DRC8: variants seen among roughly 807,000 people sequenced by gnomAD.
DRC8 encodes dynein regulatory complex subunit 8, also known as dynein regulatory complex protein 8.
At chr1:244,971,390 A>G in the DRC8 span, among the ~76,000 whole-genome samples, 4 of 152,342 alleles carry the variant, frequency 2.6e-5, no homozygotes, top group South Asian at 8.3e-4. Context: ...GTTCGGAGGC[A>G]TCGATGTGTT....
chr1:245,085,487 T>C, the DRC8 span, among the ~76,000 whole-genome samples: 1 of 151,880 alleles, frequency 6.6e-6, no homozygotes. Context: ...TGAACAAAAA[T>C]GGGGAGGTAG....
At chr1:244,969,915 G>T in the DRC8 span, 2 of 441,966 alleles carry the variant, frequency 4.5e-6, no homozygotes. Context: ...GCCGGGCCGC[G>T]GGCTGGTTCT....
chr1:245,100,731 G>C, the DRC8 span, among the ~76,000 whole-genome samples: 6 of 151,016 alleles, frequency 4.0e-5, no homozygotes, highest in African/African-American at 1.2e-4. Context: ...GCAGTGAACA[G>C]TGATCGGTCT....
At chr1:245,054,002 G>A in the DRC8 span, among the ~76,000 whole-genome samples, 7 of 142,492 alleles carry the variant, frequency 4.9e-5, no homozygotes, top group South Asian at 1.0e-3. Flanking sequence ...AACAACGCCC[G>A]CATCAGCCTT....
At chr1:244,987,293 C>T in the DRC8 span, among the ~76,000 whole-genome samples, 25 of 151,958 alleles carry the variant, frequency 1.6e-4, no homozygotes, top group East Asian at 1.5e-3. Context: ...CTCCACCTCC[C>T]GGGTTCAAGC....
chr1:244,997,416 A>T, the DRC8 span, among the ~76,000 whole-genome samples: 2 of 151,906 alleles, frequency 1.3e-5, no homozygotes, highest in South Asian at 2.1e-4. Flanking sequence ...TCATTCTTCC[A>T]TACCATTTTG....
At chr1:244,978,871 T>A in the DRC8 span, among the ~76,000 whole-genome samples, 126 of 152,298 alleles carry the variant, frequency 8.3e-4, 1 homozygote, top group East Asian at 0.012. Context: ...CCTTTTTTTT[T>A]ATTCTTTTTA....
At chr1:244,989,980 C>T in the DRC8 span, among the ~76,000 whole-genome samples, 1 of 152,338 alleles carries the variant, frequency 6.6e-6, no homozygotes, top group Non-Finnish European at 1.5e-5. Context: ...TGTGAATCAT[C>T]GCTTTGTCCA....
chr1:245,016,658 A>T, the DRC8 span, among the ~76,000 whole-genome samples: 1 of 152,042 alleles, frequency 6.6e-6, no homozygotes, highest in Admixed American at 6.6e-5. Context: ...TAACCTTAGC[A>T]CATTGTAAGT....
chr1:245,054,661 C>T, the DRC8 span, among the ~76,000 whole-genome samples: 1 of 152,128 alleles, frequency 6.6e-6, no homozygotes, highest in African/African-American at 2.4e-5. Context: ...GTGGGTACTC[C>T]TCAGACCTCT....
At chr1:245,107,589 C>T in the DRC8 span, among the ~76,000 whole-genome samples, 1 of 152,322 alleles carries the variant, frequency 6.6e-6, no homozygotes, top group South Asian at 2.1e-4. Flanking sequence ...GGGACTGTGG[C>T]GCAGGTCACC....
the DRC8 span, among the ~76,000 whole-genome samples, chr1:245,118,795 A>AAAAAGAAAAAAGAAAAGAAAAG: frequency 1.4e-5 from 2 of 138,484 alleles, no homozygotes; most frequent in Non-Finnish European, 3.1e-5. Flanking sequence ...GCCATCTCAA[A>AAAAAGAAAAAAGAAAAGAAAAG]AAAAGAAAAG....
At chr1:245,034,128 C>G in the DRC8 span, among the ~76,000 whole-genome samples, 3 of 152,202 alleles carry the variant, frequency 2.0e-5, no homozygotes, top group African/African-American at 7.2e-5. Flanking sequence ...CATCTCCATC[C>G]TTCTTTTCAT....
chr1:245,058,505 A>G, the DRC8 span, among the ~76,000 whole-genome samples: 1 of 152,196 alleles, frequency 6.6e-6, no homozygotes, highest in Non-Finnish European at 1.5e-5. Flanking sequence ...CTTTGTAAAT[A>G]GGGAGTAAAT....
At chr1:245,102,671 G>T in the DRC8 span, among the ~76,000 whole-genome samples, 1 of 152,216 alleles carries the variant, frequency 6.6e-6, no homozygotes, top group African/African-American at 2.4e-5. Context: ...CCAGTGGCAG[G>T]AGTACTTATA....
At chr1:245,060,263 C>T in the DRC8 span, among the ~76,000 whole-genome samples, 1 of 152,130 alleles carries the variant, frequency 6.6e-6, no homozygotes, top group Admixed American at 6.6e-5. Flanking sequence ...GTCACTTAAC[C>T]CCTGTTGAGT....
chr1:244,970,255 C>A, the DRC8 span: 1 of 738,338 alleles, frequency 1.4e-6, no homozygotes, highest in Non-Finnish European at 2.4e-6. Flanking sequence ...AGGGCGCGCG[C>A]TCGGAGCCTC....
the DRC8 span, chr1:244,970,854 A>T: frequency 1.5e-5 from 4 of 269,064 alleles, no homozygotes; most frequent in Admixed American, 1.8e-4. Context: ...GGGGGTGCTG[A>T]TAATGGCGTC....
At chr1:245,073,431 C>T in the DRC8 span, among the ~76,000 whole-genome samples, 10 of 152,102 alleles carry the variant, frequency 6.6e-5, no homozygotes, top group Non-Finnish European at 1.2e-4. Context: ...CTACTGCGCC[C>T]GGCCAGCTTC....
Sources: allele counts gnomAD v4.1 joint callset (sites outside exome capture counted in the v4.1 genomes callset), GRCh38; gene constraint gnomAD v4.1.1; transcripts MANE v1.5; gene names NCBI Gene and HGNC (gene_info 2026-07-23, HGNC 2026-07-21).